Variants in HOXA3 observed in about 807,000 individuals in gnomAD.
HOXA3 encodes the protein homeobox protein Hox-A3.
In HOXA3, 8 loss-of-function variants were observed where a neutral mutation model predicts 30.3. That is an observed-to-expected ratio of 0.26 (90% CI 0.15 to 0.48). The LOEUF (loss-of-function observed/expected upper bound fraction) is 0.48. Ranked by LOEUF, HOXA3 falls within the 20% of genes least tolerant of loss-of-function variation. HOXA3 has a pLI of 0.99. For missense variants in HOXA3, 653 were observed against 614.4 expected (o/e 1.06, Z -0.66); for synonymous variants, 323 against 273.1 (o/e 1.18, Z -1.80).
intron 1 of HOXA3, among the ~76,000 whole-genome samples, chr7:27,149,691 C>T (rs1278243102): frequency 6.6e-6 from 1 of 152,258 alleles, no homozygotes; most frequent in African/African-American, 2.4e-5. Context: ...GCATTTCCCA[C>T]ACATTACTTC....
intron 2 of HOXA3, among the ~76,000 whole-genome samples, chr7:27,127,398 A>G (rs905507402): frequency 6.6e-6 from 1 of 152,188 alleles, no homozygotes; most frequent in African/African-American, 2.4e-5. Flanking sequence ...CCTTGTTTGT[A>G]TCACACACAG....
chr7:27,130,833 T>G, intron 2 of HOXA3: 1 of 1,192,964 alleles, frequency 8.4e-7, no homozygotes, highest in Non-Finnish European at 1.2e-6. Context: ...CATCCCCCTT[T>G]CCTCTGCGCC....
At chr7:27,148,491 G>A (rs1782864395) in intron 1 of HOXA3, among the ~76,000 whole-genome samples, 1 of 152,234 alleles carries the variant, frequency 6.6e-6, no homozygotes, top group Non-Finnish European at 1.5e-5. Flanking sequence ...AGCTGACCAG[G>A]ACTCAGCCAA....
intron 1 of HOXA3, chr7:27,142,922 G>T: frequency 1.1e-6 from 1 of 897,820 alleles, no homozygotes. Context: ...GAACGGCAAG[G>T]AGAGCTCCGC....
intron 5 of HOXA3, among the ~76,000 whole-genome samples, chr7:27,109,790 T>TA (rs1375722826): frequency 6.6e-6 from 1 of 152,190 alleles, no homozygotes; most frequent in East Asian, 1.9e-4. Flanking sequence ...GCTAAAAAGA[T>TA]AGACAGTGGA....
chr7:27,152,111 C>T (rs898930539), intron 1 of HOXA3, among the ~76,000 whole-genome samples, 177 bp downstream of exon 1: 13 of 142,988 alleles, frequency 9.1e-5, no homozygotes, highest in African/African-American at 3.2e-4. Flanking sequence ...CGCGTGTGTG[C>T]CTGTGTGTGT....
chr7:27,111,179 A>G (rs912896798), intron 4 of HOXA3, among the ~76,000 whole-genome samples: 1 of 152,158 alleles, frequency 6.6e-6, no homozygotes, highest in African/African-American at 2.4e-5. Flanking sequence ...GAATGTTGGG[A>G]AGGGAACGAG....
At chr7:27,119,322 A>G (rs1784895398) in intron 4 of HOXA3, among the ~76,000 whole-genome samples, 1 of 151,980 alleles carries the variant, frequency 6.6e-6, no homozygotes, top group African/African-American at 2.4e-5. Flanking sequence ...ACAAGTTCCT[A>G]TAGAGATATC....
At chr7:27,147,394 T>A in intron 1 of HOXA3, 1 of 1,614,230 alleles carries the variant, frequency 6.2e-7, no homozygotes, top group Non-Finnish European at 8.5e-7. Flanking sequence ...TGCTTTGCCC[T>A]GCCCGCTGCT....
intron 1 of HOXA3, chr7:27,147,478 G>T (rs781129112): frequency 4.3e-6 from 7 of 1,613,926 alleles, no homozygotes; most frequent in Admixed American, 1.7e-5. Context: ...GCCACTGCCC[G>T]AGGGCGAGGC....
At chr7:27,112,574 G>A (rs1784437480) in intron 4 of HOXA3, among the ~76,000 whole-genome samples, 1 of 152,174 alleles carries the variant, frequency 6.6e-6, no homozygotes, top group African/African-American at 2.4e-5. Flanking sequence ...ACATACCATG[G>A]TTGAAAGTAA....
At chr7:27,144,863 G>A (rs1172636442) in intron 1 of HOXA3, among the ~76,000 whole-genome samples, 1 of 152,256 alleles carries the variant, frequency 6.6e-6, no homozygotes, top group African/African-American at 2.4e-5. Context: ...CAGGACTCTG[G>A]CGGCTCCCAT....
At chr7:27,126,096 G>C (rs762386768) in intron 3 of HOXA3, among the ~76,000 whole-genome samples, 1 of 152,174 alleles carries the variant, frequency 6.6e-6, no homozygotes, top group Non-Finnish European at 1.5e-5. Context: ...TTGAATTCCT[G>C]CTGTAATAAA....
At chr7:27,131,317 A>G (rs1029062471) in intron 2 of HOXA3, among the ~76,000 whole-genome samples, 9 of 152,022 alleles carry the variant, frequency 5.9e-5, no homozygotes, top group Non-Finnish European at 1.2e-4. Context: ...CGCCACTGAG[A>G]GGCCACCAGA....
At chr7:27,132,555 G>C (rs1292322999) in intron 2 of HOXA3, among the ~76,000 whole-genome samples, 1 of 152,216 alleles carries the variant, frequency 6.6e-6, no homozygotes, top group South Asian at 2.1e-4. Context: ...CACGTTAGGT[G>C]TATATGAGTG....
chr7:27,113,161 G>T lies in HOXA3; in HGVS notation c.-120-2401C>A, dbSNP rs1784473365. Among the ~76,000 whole-genome samples, 1 of 152,252 alleles carries T rather than the reference G, an allele frequency of 6.6e-6. No homozygotes were observed. Among genetic ancestry groups the T allele is most frequent in the South Asian group, 2.1e-4 (1 of 4,816 alleles). On this transcript the variant is annotated intron_variant, in intron 4 of 5. Transcript: ENST00000612286. This position sits in a 1 kb window ranked among gnomAD's most constrained non-coding sequence, Gnocchi z 4.8. ...GGATGAGGGGAGATTCCTCCACAAA[G>T]ATCTGTTTCTGGACAATAATCCCCA...
At chr7:27,110,782 C>A in intron 4 of HOXA3, 22 bp from the exon 5 acceptor site, 2 of 1,290,060 alleles carry the variant, frequency 1.6e-6, no homozygotes, top group East Asian at 4.7e-5. Context: ...AGAAGCGCAG[C>A]GCGGTGAGGG....
At chr7:27,124,867 G>A (rs1386016319) in intron 3 of HOXA3, among the ~76,000 whole-genome samples, 1 of 152,200 alleles carries the variant, frequency 6.6e-6, no homozygotes, top group Non-Finnish European at 1.5e-5. Context: ...AGCAGGGCAA[G>A]CATGACAGAA....
At chr7:27,137,646 G>A (rs1417650245) in intron 2 of HOXA3, among the ~76,000 whole-genome samples, 5 of 152,176 alleles carry the variant, frequency 3.3e-5, no homozygotes. Context: ...TAACACATAG[G>A]TCTGACTGCA....
Sources: allele counts gnomAD v4.1 joint callset (sites outside exome capture counted in the v4.1 genomes callset), GRCh38; gene constraint gnomAD v4.1.1; non-coding constraint Gnocchi (gnomAD v3.1); transcripts MANE v1.5; gene names NCBI Gene and HGNC (gene_info 2026-07-23, HGNC 2026-07-21).